The following DIAPH3 variants were observed in gnomAD, a reference collection of about 807,000 sequenced individuals.
The protein encoded by DIAPH3 is diaphanous related formin 3, also known as protein diaphanous homolog 3.
In DIAPH3, 117 loss-of-function variants were observed where a neutral mutation model predicts 144.3. The observed-to-expected ratio is 0.81, with a 90% CI of 0.70 to 0.95. The LOEUF is 0.95. Ranked by LOEUF, DIAPH3 falls within the 40% of genes least tolerant of loss-of-function variation. The probability of loss-of-function intolerance (pLI) is 0.00; values close to 1 mark genes in which losing one functional copy is unlikely to be tolerated. For missense variants in DIAPH3, 1,421 were observed against 1,412.7 expected (o/e 1.01, Z -0.09); for synonymous variants, 519 against 488.9 (o/e 1.06, Z -0.81).
intron 5 of DIAPH3, among the ~76,000 whole-genome samples, chr13:60,019,620 AAAAC>A (rs1229394184): frequency 5.3e-5 from 8 of 152,102 alleles, no homozygotes; most frequent in African/African-American, 1.9e-4. Context: ...AAAAAAAAAA[AAAAC>A]AGAGGGAGAG....
At chr13:60,162,589 T>A (rs1393789101) in intron 1 of DIAPH3, among the ~76,000 whole-genome samples, 1 of 152,200 alleles carries the variant, frequency 6.6e-6, no homozygotes, top group Non-Finnish European at 1.5e-5. Context: ...TTTCAATTAA[T>A]CTATGCTGTT....
chr13:59,700,071 T>C (rs2034016107), intron 27 of DIAPH3, among the ~76,000 whole-genome samples: 2 of 152,212 alleles, frequency 1.3e-5, no homozygotes, highest in Non-Finnish European at 2.9e-5. Flanking sequence ...TGAATGGACA[T>C]TGCTTTTCTT....
chr13:59,774,616 G>A (rs2038297883), intron 26 of DIAPH3, 112 bp downstream of exon 26: 2 of 1,002,990 alleles, frequency 2.0e-6, no homozygotes. Flanking sequence ...CTGAACAGTT[G>A]TTGCCCACGG....
At chr13:60,052,239 C>T (rs2056379239) in intron 4 of DIAPH3, among the ~76,000 whole-genome samples, 1 of 151,958 alleles carries the variant, frequency 6.6e-6, no homozygotes, top group Admixed American at 6.6e-5. Context: ...TCAGAATTGC[C>T]AATGGGATTG....
At chr13:59,839,581 A>G in intron 22 of DIAPH3, 133 bp from the exon 23 acceptor site, 1 of 873,570 alleles carries the variant, frequency 1.1e-6, no homozygotes, top group Non-Finnish European at 1.6e-6. Flanking sequence ...ATAAAAATAA[A>G]TTTCACTTTT....
In DIAPH3 at chr13:60,125,394, A is replaced by ATT. The variant is rs56267083; in HGVS notation, c.213+7561_213+7562dup. On this transcript the variant is annotated intron_variant, in intron 2 of 27. Coordinates refer to ENST00000400324, the MANE Select transcript of DIAPH3 (RefSeq NM_001042517.2). ...ATCTGCATACCATCACACCCAGCTA[A>ATT]TTTTTTTTTTTTTTTTTTTTTTTTT... Among the ~76,000 whole-genome samples the ATT allele has an allele frequency of 9.8e-4, 96 of 97,864 alleles. 3 individuals carry two copies. Among genetic ancestry groups the ATT allele is most frequent in the East Asian group, 1.3e-3 (3 of 2,386 alleles). The allele number at this position is 97,864 out of a possible 152,430, so 64.2% of individuals were successfully genotyped here. A position where few individuals can be genotyped will look rare whatever the true frequency, so the allele number is the denominator to read the frequency against.
chr13:60,125,723 G>A (rs965147262), intron 2 of DIAPH3, among the ~76,000 whole-genome samples: 4 of 152,144 alleles, frequency 2.6e-5, no homozygotes, highest in Admixed American at 1.3e-4. Flanking sequence ...TTGCAATTAA[G>A]CAGTTTCAAA....
intron 5 of DIAPH3, among the ~76,000 whole-genome samples, chr13:60,021,972 A>C (rs1160116877): frequency 6.6e-6 from 1 of 152,190 alleles, no homozygotes; most frequent in Non-Finnish European, 1.5e-5. Context: ...TCAGCATAAA[A>C]GTCCTATGGG....
At chr13:60,030,702 C>T (rs542670659) in intron 5 of DIAPH3, among the ~76,000 whole-genome samples, 1 of 152,124 alleles carries the variant, frequency 6.6e-6, no homozygotes, top group Non-Finnish European at 1.5e-5. Context: ...AAAACAAGTG[C>T]ACAAGAAATG....
At chr13:60,095,970 A>G (rs2058093986) in intron 3 of DIAPH3, among the ~76,000 whole-genome samples, 1 of 152,228 alleles carries the variant, frequency 6.6e-6, no homozygotes, top group Non-Finnish European at 1.5e-5. Flanking sequence ...TCACAGAGGT[A>G]TGAAGCAGAG....
At chr13:60,009,598 G>A (rs2053114232) in intron 8 of DIAPH3, among the ~76,000 whole-genome samples, 1 of 152,194 alleles carries the variant, frequency 6.6e-6, no homozygotes, top group South Asian at 2.1e-4. Flanking sequence ...TGTATGCCTG[G>A]CTTTGCACGC....
chr13:59,821,921 T>G (rs1037791383), intron 24 of DIAPH3, among the ~76,000 whole-genome samples: 2 of 152,180 alleles, frequency 1.3e-5, no homozygotes, highest in African/African-American at 4.8e-5. Flanking sequence ...AACTAGAATA[T>G]CCCAAAGGAT....
intron 4 of DIAPH3, among the ~76,000 whole-genome samples, chr13:60,057,893 C>T (rs1292483414): frequency 6.6e-6 from 1 of 151,744 alleles, no homozygotes; most frequent in African/African-American, 2.4e-5. Flanking sequence ...TAAAAATTAA[C>T]TTAAAATAGA....
At chr13:59,740,434 C>G (rs1361811472) in intron 27 of DIAPH3, among the ~76,000 whole-genome samples, 1 of 152,166 alleles carries the variant, frequency 6.6e-6, no homozygotes, top group African/African-American at 2.4e-5. Flanking sequence ...CTGTCACATA[C>G]AGAGTGCTCA....
chr13:59,848,078 A>AGTGAGG (rs2042751512), intron 22 of DIAPH3, among the ~76,000 whole-genome samples: 1 of 152,056 alleles, frequency 6.6e-6, no homozygotes, highest in Admixed American at 6.6e-5. Flanking sequence ...TTTTCCAAAT[A>AGTGAGG]CTTCTTACCA....
At chr13:60,018,182 G>T (rs745474561) in intron 5 of DIAPH3, among the ~76,000 whole-genome samples, 2 of 152,084 alleles carry the variant, frequency 1.3e-5, no homozygotes, top group Non-Finnish European at 2.9e-5. Context: ...ATATTCAAAA[G>T]TATAGCCACA....
Position 59,992,563 on chromosome 13 carries a change from G to T in DIAPH3, c.1035C>A (p.Ile345=). The change falls in exon 10 of 28, where the codon ATC becomes ATA. Residue 345 remains isoleucine, a synonymous_variant. Coordinates refer to ENST00000400324, the MANE Select transcript of DIAPH3 (RefSeq NM_001042517.2). The stretch of plus-strand genomic sequence containing the variant: ...CATCAGGAGATGTAACCAGGGCATT[G>T]ATGAGCTGCATACAAGCTACCTACA... ...VQLQVACMQL[I]NALVTSPDDL... 2 of 1,611,942 alleles carry T rather than the reference G, an allele frequency of 1.2e-6. No homozygotes were observed. Among genetic ancestry groups the T allele is most frequent in the Non-Finnish European group, 1.7e-6 (2 of 1,178,968 alleles).
chr13:60,039,551 G>A (rs2055480325), intron 5 of DIAPH3, among the ~76,000 whole-genome samples: 1 of 152,000 alleles, frequency 6.6e-6, no homozygotes, highest in African/African-American at 2.4e-5. Context: ...TGATCCGCTC[G>A]TCTCAGCCTC....
At chr13:59,682,435 C>T (rs1301317201) in intron 27 of DIAPH3, among the ~76,000 whole-genome samples, 1 of 152,160 alleles carries the variant, frequency 6.6e-6, no homozygotes, top group African/African-American at 2.4e-5. Flanking sequence ...GATCCTCCCC[C>T]TTCACCCTCC....
Sources: gnomAD v4.1 joint callset for allele counts (sites outside exome capture counted in the v4.1 genomes callset) on GRCh38, gnomAD v4.1.1 for gene constraint, MANE v1.5 for transcripts, NCBI Gene and HGNC (gene_info 2026-07-23, HGNC 2026-07-21) for gene names.